The following LRMDA variants were observed in gnomAD, a reference collection of about 807,000 sequenced individuals.
LRMDA encodes the protein leucine-rich melanocyte differentiation-associated protein.
A neutral mutation model predicts 29.8 loss-of-function variants in LRMDA; 18 were observed. The observed-to-expected ratio is 0.60, with a 90% CI of 0.42 to 0.90. The LOEUF is 0.90. LRMDA is among the 40% of genes least tolerant of loss of function. The pLI is 0.00. For synonymous variants in LRMDA, 125 were observed against 109.4 expected, an observed-to-expected ratio of 1.14 and a Z score of -0.89; for missense variants, 273 against 273.9, an observed-to-expected ratio of 1.00 and a Z score of 0.02.
intron 2 of LRMDA, among the ~76,000 whole-genome samples, chr10:75,809,535 C>T (rs1038112983): frequency 1.3e-5 from 2 of 152,058 alleles, no homozygotes; most frequent in Non-Finnish European, 2.9e-5. Context: ...CCCAGCTACT[C>T]GGGAGGCTGA....
chr10:75,517,546 A>G (rs986674479), intron 2 of LRMDA, among the ~76,000 whole-genome samples: 1 of 152,108 alleles, frequency 6.6e-6, no homozygotes. Context: ...TTGCACATTG[A>G]TTTTGTATCC....
At chr10:76,056,613 G>A (rs937044851) in intron 4 of LRMDA, among the ~76,000 whole-genome samples, 1 of 152,220 alleles carries the variant, frequency 6.6e-6, no homozygotes, top group Admixed American at 6.5e-5. Flanking sequence ...GGTGGCAGGG[G>A]GCTGGTGTTT....
chr10:75,997,664 G>T (rs1026899512), intron 2 of LRMDA, among the ~76,000 whole-genome samples: 1 of 152,192 alleles, frequency 6.6e-6, no homozygotes, highest in African/African-American at 2.4e-5. Context: ...TCAGGGTGCA[G>T]AGTGGAGCAG....
At position 76,436,773 on chromosome 10, in the gene LRMDA, C is replaced by T. The variant is rs113140081; in HGVS notation, c.601+112288C>T. Among the ~76,000 whole-genome samples, 607 of 152,236 alleles carry T rather than the reference C, an allele frequency of 4.0e-3. 2 individuals carry two copies. Among genetic ancestry groups the T allele is most frequent in the Middle Eastern group, 0.014 (4 of 294 alleles). Reference sequence around the variant, plus strand: ...ATGGAATGCTGACAAGTATTCAGTACGGTTGAGTGACCTTCTATAGGTCAG... The same window carrying T: ...ATGGAATGCTGACAAGTATTCAGTATGGTTGAGTGACCTTCTATAGGTCAG... On this transcript the variant is annotated intron_variant, in intron 6 of 6. Transcript: ENST00000611255.
chr10:75,792,257 G>GTGTTTGTTTGTT lies in LRMDA; in HGVS notation c.132-243736_132-243725dup, dbSNP rs71024564. ...GGTTACAGAAATAAATGAGGTACTG[G>GTGTTTGTTTGTT]TGTTTGTTTGTTTGTTTGTTTGTTT... is the stretch of plus-strand genomic sequence containing the variant. On this transcript the variant is annotated intron_variant, in intron 2 of 6. Transcript: ENST00000611255. Among the ~76,000 whole-genome samples, 879 of 148,444 alleles carry GTGTTTGTTTGTT rather than the reference G, an allele frequency of 5.9e-3. 7 individuals are homozygous for GTGTTTGTTTGTT. The highest frequency in any genetic ancestry group is 0.028 in the South Asian group (130 of 4,674).
rs545069258 is a variant in LRMDA at position 76,177,482 on chromosome 10, A to T, written c.516+118699A>T. 5.3e-5 allele frequency among the ~76,000 whole-genome samples: 8 copies of T among 152,260 alleles called. 1 individual carries two copies. In the South Asian group the frequency reaches 1.0e-3, roughly 20 times the overall value. ...AATTGTATTAGTTTCAGTAATGATG[A>T]CTGCAGTAATTTAAAGGAAGCTAGC... On this transcript the variant is annotated intron_variant, in intron 5 of 6. Transcript: ENST00000611255.
intron 2 of LRMDA, among the ~76,000 whole-genome samples, chr10:75,713,644 T>C (rs958955498): frequency 5.3e-5 from 8 of 152,250 alleles, no homozygotes; most frequent in Non-Finnish European, 8.8e-5. Context: ...GGTTTCAAAA[T>C]GAGCCACAGA....
At chr10:76,408,808 G>C (rs976614514) in intron 6 of LRMDA, among the ~76,000 whole-genome samples, 1 of 152,052 alleles carries the variant, frequency 6.6e-6, no homozygotes, top group Non-Finnish European at 1.5e-5. Flanking sequence ...TCACTCCCGG[G>C]AAGAAATAAT....
chr10:75,969,851 A>G (rs994579106), intron 2 of LRMDA, among the ~76,000 whole-genome samples: 2 of 152,138 alleles, frequency 1.3e-5, no homozygotes, highest in Admixed American at 6.5e-5. Context: ...TAGCTTGTAC[A>G]TTGGGATGGT....
chr10:76,503,233 C>A (rs1406452296), intron 6 of LRMDA, among the ~76,000 whole-genome samples: 2 of 151,878 alleles, frequency 1.3e-5, no homozygotes, highest in Admixed American at 6.6e-5. Context: ...CCTCACATCA[C>A]AGGAATAAAG....
chr10:75,990,498 G>A (rs749206685), intron 2 of LRMDA, among the ~76,000 whole-genome samples: 11 of 152,160 alleles, frequency 7.2e-5, no homozygotes, highest in Non-Finnish European at 1.5e-4. Context: ...TAATGGTTTA[G>A]TAGCTATTAA....
intron 2 of LRMDA, among the ~76,000 whole-genome samples, chr10:75,595,602 T>G (rs1185981319): frequency 6.7e-6 from 1 of 149,504 alleles, no homozygotes; most frequent in East Asian, 1.9e-4. Flanking sequence ...ATAATCCACA[T>G]ATTAATAGTA....
At chr10:76,046,980 G>C (rs539127368) in intron 3 of LRMDA, among the ~76,000 whole-genome samples, 184 bp from the exon 4 acceptor site, 1 of 152,132 alleles carries the variant, frequency 6.6e-6, no homozygotes, top group Non-Finnish European at 1.5e-5. Flanking sequence ...GCGAAAGTTG[G>C]GCTGTGTTCC....
At chr10:75,919,611 A>G (rs1845994387) in intron 2 of LRMDA, among the ~76,000 whole-genome samples, 1 of 152,126 alleles carries the variant, frequency 6.6e-6, no homozygotes, top group Non-Finnish European at 1.5e-5. Context: ...AAGGAATCTC[A>G]GTTAGGGAGG....
At chr10:75,848,539 G>C (rs11001519) in intron 2 of LRMDA, among the ~76,000 whole-genome samples, 5,356 of 152,164 alleles carry the variant, frequency 0.035, 253 homozygotes, top group African/African-American at 0.11. Context: ...ATCCAGCATT[G>C]GGCACCCGGG....
Position 75,593,739 on chromosome 10 carries a change from T to A in LRMDA, c.131+155245T>A, listed in dbSNP as rs12247048. Among the ~76,000 whole-genome samples the A allele has an allele frequency of 3.8e-3, 580 of 152,316 alleles. 4 individuals are homozygous for A. The highest frequency in any genetic ancestry group is 0.013 in the African/African-American group (559 of 41,576). On this transcript the variant is annotated intron_variant, in intron 2 of 6. Transcript: ENST00000611255. ...TAAAAATTTACTGATTCCATGGAAG[T>A]TCACGTCAGGGGCTATGTGGATCCT...
At chr10:75,624,621 T>G (rs1841228834) in intron 2 of LRMDA, among the ~76,000 whole-genome samples, 2 of 152,120 alleles carry the variant, frequency 1.3e-5, no homozygotes, top group African/African-American at 4.8e-5. Flanking sequence ...TAGAATAATA[T>G]AAAGAGGGCA....
intron 2 of LRMDA, among the ~76,000 whole-genome samples, chr10:75,583,996 G>A (rs776809698): frequency 2.0e-5 from 3 of 152,018 alleles, no homozygotes; most frequent in Non-Finnish European, 4.4e-5. Flanking sequence ...CCCCCATAGG[G>A]ACTGTCCTTC....
At chr10:76,259,253 C>T (rs993371759) in intron 5 of LRMDA, among the ~76,000 whole-genome samples, 8 of 151,948 alleles carry the variant, frequency 5.3e-5, no homozygotes, top group Admixed American at 2.6e-4. Flanking sequence ...CTTGGCCATT[C>T]GTATGTCTTC....
Sources: gnomAD v4.1 joint callset for allele counts (sites outside exome capture counted in the v4.1 genomes callset) on GRCh38, gnomAD v4.1.1 for gene constraint, MANE v1.5 for transcripts, NCBI Gene and HGNC (gene_info 2026-07-23, HGNC 2026-07-21) for gene names.